Variants in BSPRY observed in about 807,000 individuals in gnomAD.
The protein encoded by BSPRY is B box and SPRY domain-containing protein.
In BSPRY, 33 loss-of-function variants were observed where a neutral mutation model predicts 38.0. The observed-to-expected ratio is 0.87, with a 90% CI of 0.66 to 1.16. BSPRY has a LOEUF of 1.16. Among genes scored for constraint, BSPRY ranks in the 50% most tolerant of loss-of-function variants. The pLI is 0.00. For missense variants in BSPRY, 523 were observed against 533.2 expected (o/e 0.98, Z 0.19); for synonymous variants, 224 against 228.5 (o/e 0.98, Z 0.18).
At chr9:113,362,526 T>A in intron 4 of BSPRY, 132 bp downstream of exon 4, 1 of 909,762 alleles carries the variant, frequency 1.1e-6, no homozygotes, top group Non-Finnish European at 1.8e-6. Context: ...TTCTGGAGCC[T>A]GGCTCTGTGG....
At chr9:113,369,062 C>T (rs1340983195) in intron 5 of BSPRY, among the ~76,000 whole-genome samples, 2 of 151,334 alleles carry the variant, frequency 1.3e-5, no homozygotes, top group Non-Finnish European at 2.9e-5. Flanking sequence ...TGTAGCTTCT[C>T]TACTCTAGAT....
At chr9:113,350,885 A>G (rs1222976854) in intron 1 of BSPRY, among the ~76,000 whole-genome samples, 2 of 152,338 alleles carry the variant, frequency 1.3e-5, no homozygotes, top group Non-Finnish European at 1.5e-5. Flanking sequence ...ACTCCAAAGT[A>G]CTTAAATGTC....
At position 113,369,713 on chromosome 9, in the gene BSPRY, G is replaced by A. The variant is rs746837848; in HGVS notation, c.780G>A (p.Lys260=). ...TGACCTTCAGCACCAAGAAGTCAAA[G>A]GCCTGTGCAGATGGCCCGGAGCGCT... ...KTLTFSTKKS[K]ACADGPERFD... Residue 260 remains lysine, a synonymous_variant, in exon 6 of 6, where the codon AAG becomes AAA. Coordinates refer to ENST00000374183, the MANE Select transcript of BSPRY (RefSeq NM_017688.3). 6.2e-7 allele frequency: 1 copy of A among 1,614,226 alleles called. No individual in the cohort carries two copies. Among genetic ancestry groups the A allele is most frequent in the African/African-American group, 1.3e-5 (1 of 75,056 alleles).
At chr9:113,353,237 AAGT>A (rs1833998691) in intron 1 of BSPRY, among the ~76,000 whole-genome samples, 1 of 151,956 alleles carries the variant, frequency 6.6e-6, no homozygotes. Flanking sequence ...AAAATGCAAA[AAGT>A]AGCCAGGTGT....
chr9:113,354,296 G>C lies in BSPRY; in HGVS notation c.258G>C (p.Lys86Asn). The change falls in exon 2 of 6, where the codon AAG becomes AAC. Residue 86 changes from lysine (K) to asparagine (N), a missense_variant. By Grantham distance (94) the Lys-to-Asn change is moderately conservative (BLOSUM62 0). Transcript: ENST00000374183. ...RLQLQSAAIT[K>N]YVADVLPGKN... is the part of the protein sequence containing the mutation. ...AGTTACAGAGTGCTGCCATCACCAA[G>C]TATGTGGCGGACGTCCTGCCGGGGA... is the stretch of plus-strand genomic sequence containing the variant. 1 of 1,614,182 alleles carries C rather than the reference G, an allele frequency of 6.2e-7. No homozygotes were observed. Among genetic ancestry groups the C allele is most frequent in the Non-Finnish European group, 8.5e-7 (1 of 1,180,042 alleles).
Position 113,366,506 on chromosome 9 carries a change from T to C in BSPRY, c.558-1753T>C, listed in dbSNP as rs1470405960. ...AGATCCTGCCGCACCATCTGGGCAT[T>C]CTGATCCTGGCCAGGGCCTGCTGTG... On this transcript the variant is annotated intron_variant, in intron 4 of 5. Transcript: ENST00000374183. Among the ~76,000 whole-genome samples the C allele has an allele frequency of 3.3e-5, 5 of 152,354 alleles. No individual in the cohort carries two copies. In the East Asian group the frequency reaches 9.6e-4, roughly 29 times the overall value.
chr9:113,366,605 G>A (rs1000835228), intron 4 of BSPRY, among the ~76,000 whole-genome samples: 1 of 152,208 alleles, frequency 6.6e-6, no homozygotes, highest in Non-Finnish European at 1.5e-5. Context: ...AGCTAGCCCG[G>A]GTGGTTCGCT....
intron 2 of BSPRY, among the ~76,000 whole-genome samples, chr9:113,356,532 G>T (rs1405271671): frequency 6.6e-6 from 1 of 151,944 alleles, no homozygotes; most frequent in Non-Finnish European, 1.5e-5. Flanking sequence ...CACTTTGGCT[G>T]CTATGTTTAG....
At chr9:113,367,834 C>G (rs1459263360) in intron 4 of BSPRY, among the ~76,000 whole-genome samples, 1 of 144,278 alleles carries the variant, frequency 6.9e-6, no homozygotes, top group Non-Finnish European at 1.5e-5. Flanking sequence ...GGATGCCACT[C>G]TTTTTTTTTT....
rs1240064240 is a variant in BSPRY, at chr9:113,369,916, C to CTCGCTATGATCAGGAGTT, written c.987_1004dup (p.Tyr330_Arg335dup). ...CACAATGCCTTCTCCTGGGTCTTCT[C>CTCGCTATGATCAGGAGTT]TCGCTATGATCAGGAGTTTCGTTTC... On this transcript the variant is annotated inframe_insertion, in exon 6 of 6. Transcript: ENST00000374183. The CTCGCTATGATCAGGAGTT allele has an allele frequency of 1.2e-6, 2 of 1,614,236 alleles. No homozygotes were observed. The highest frequency in any genetic ancestry group is 1.1e-5 in the South Asian group (1 of 91,084).
chr9:113,353,096 T>C (rs78738370), intron 1 of BSPRY, among the ~76,000 whole-genome samples: 2,403 of 152,192 alleles, frequency 0.016, 61 homozygotes, highest in African/African-American at 0.055. Context: ...CAGAAAGTGG[T>C]TATAACGGGC....
chr9:113,365,761 G>A (rs1365479361), intron 4 of BSPRY, among the ~76,000 whole-genome samples: 1 of 150,464 alleles, frequency 6.6e-6, no homozygotes, highest in Non-Finnish European at 1.5e-5. Context: ...GTGTGTGTGT[G>A]TGTGTGTAGC....
At chr9:113,355,612 C>T (rs921293299) in intron 2 of BSPRY, among the ~76,000 whole-genome samples, 5 of 139,962 alleles carry the variant, frequency 3.6e-5, no homozygotes, top group African/African-American at 1.5e-4. Flanking sequence ...TGTGGCAAAT[C>T]CTGGCTTTTT....
chr9:113,365,733 A>AAGAGAGAGAGAG (rs750918178), intron 4 of BSPRY, among the ~76,000 whole-genome samples: 4 of 137,728 alleles, frequency 2.9e-5, no homozygotes, highest in Non-Finnish European at 6.3e-5. Flanking sequence ...GAGAAAGAGA[A>AAGAGAGAGAGAG]AGAGAGAGAG....
chr9:113,370,169 C>T lies in BSPRY; in HGVS notation c.*27C>T. ...CTCTGGCCACAGGAAGCCAGGTCCA[C>T]CGCCCACCACCCTTTCAGGCCATGT... On this transcript the variant is annotated 3_prime_UTR_variant, in exon 6 of 6. Transcript: ENST00000374183. This position sits in a 1 kb window ranked among gnomAD's most constrained non-coding sequence, Gnocchi z 4.8. 3.3e-6 allele frequency: 5 copies of T among 1,523,938 alleles called. No homozygotes were observed. The highest frequency in any genetic ancestry group is 4.4e-6 in the Non-Finnish European group (5 of 1,136,872). 94.4% of individuals were successfully genotyped at this position (1,523,938 alleles called of 1,614,324 possible). A position where few individuals can be genotyped will look rare whatever the true frequency, so the allele number is the denominator to read the frequency against.
At chr9:113,364,947 G>GTTTTTTTTTTT (rs144272713) in intron 4 of BSPRY, among the ~76,000 whole-genome samples, 1 of 134,524 alleles carries the variant, frequency 7.4e-6, no homozygotes, top group Non-Finnish European at 1.6e-5. Flanking sequence ...TCCTTAGCTT[G>GTTTTTTTTTTT]TTTTTTTTTT....
At chr9:113,365,137 A>G (rs1462782428) in intron 4 of BSPRY, among the ~76,000 whole-genome samples, 1 of 152,138 alleles carries the variant, frequency 6.6e-6, no homozygotes, top group East Asian at 1.9e-4. Flanking sequence ...TCCGTTATCA[A>G]GGATGTCAAT....
chr9:113,357,920 A>G (rs1209038413), intron 2 of BSPRY, among the ~76,000 whole-genome samples: 20 of 28,626 alleles, frequency 7.0e-4, no homozygotes, highest in African/African-American at 2.9e-3. Context: ...ATATATATAT[A>G]TATATATATA....
chr9:113,350,050 A>G (rs935880190), intron 1 of BSPRY, among the ~76,000 whole-genome samples: 12 of 152,154 alleles, frequency 7.9e-5, no homozygotes, highest in African/African-American at 2.7e-4. Flanking sequence ...CAACAATAAT[A>G]ATAGCGCGTA....
Sources: allele counts gnomAD v4.1 joint callset (sites outside exome capture counted in the v4.1 genomes callset), GRCh38; gene constraint gnomAD v4.1.1; non-coding constraint Gnocchi (gnomAD v3.1); transcripts MANE v1.5; gene names NCBI Gene and HGNC (gene_info 2026-07-23, HGNC 2026-07-21).